The following STRIT1 variants were observed in gnomAD, a reference collection of about 807,000 sequenced individuals.
STRIT1 encodes small transmembrane regulator of ion transport 1.
intron 1 of STRIT1, 90 bp downstream of exon 1, chr3:155,293,530 G>T: frequency 5.0e-6 from 2 of 396,782 alleles, no homozygotes; most frequent in South Asian, 2.6e-4. Context: ...TTTTTAGAGT[G>T]ACTGGGAAAC....
intron 1 of STRIT1, 133 bp from the exon 2 acceptor site, chr3:155,291,171 A>AT: frequency 2.6e-6 from 1 of 390,886 alleles, no homozygotes; most frequent in Admixed American, 4.4e-5. Flanking sequence ...ATACATAATT[A>AT]TTTTTTCTTT....
chr3:155,292,973 T>C (rs576793863), intron 1 of STRIT1, among the ~76,000 whole-genome samples: 1 of 152,118 alleles, frequency 6.6e-6, no homozygotes, highest in Non-Finnish European at 1.5e-5. Flanking sequence ...ATCTATAAAA[T>C]GGGGATGATG....
At position 155,290,482 on chromosome 3, in the gene STRIT1, C is replaced by T. The variant is rs913604767; in HGVS notation, c.*369G>A. ...CTCCAATTTCTGGGCTCAAAGGATC[C>T]TCACAAAGTGCTGGGATTACAGGCA... On this transcript the variant is annotated 3_prime_UTR_variant, in exon 3 of 3. Transcript: ENST00000489090. The T allele has an allele frequency of 7.4e-6, 1 of 135,848 alleles. No homozygotes were observed. The highest frequency in any genetic ancestry group is 8.3e-5 in the Admixed American group (1 of 12,058). 8.4% of individuals were successfully genotyped at this position (135,848 alleles called of 1,614,324 possible). A position where few individuals can be genotyped will look rare whatever the true frequency, so the allele number is the denominator to read the frequency against.
At chr3:155,290,871 T>A in intron 2 of STRIT1, 25 bp from the exon 3 acceptor site, 1 of 397,120 alleles carries the variant, frequency 2.5e-6, no homozygotes, top group South Asian at 1.3e-4. Flanking sequence ...ATTCCATTAG[T>A]AAAATAGAAA....
At position 155,290,808 on chromosome 3, in the gene STRIT1, T is replaced by C. The variant is rs532561332; in HGVS notation, c.*43A>G. 3.1e-5 allele frequency: 12 copies of C among 392,328 alleles called. No homozygotes were observed. The highest frequency in any genetic ancestry group is 1.9e-4 in the African/African-American group (9 of 48,608). 24.3% of individuals were successfully genotyped at this position (392,328 alleles called of 1,614,324 possible). A position where few individuals can be genotyped will look rare whatever the true frequency, so the allele number is the denominator to read the frequency against. On this transcript the variant is annotated 3_prime_UTR_variant, in exon 3 of 3. Transcript: ENST00000489090. ...ATAATCAGTCATGTTCATAGTTTTC[T>C]TAATTCTTCTAAATGATGTCAATCT... is the stretch of plus-strand genomic sequence containing the variant.
chr3:155,291,747 GCCT>G (rs1715645418), intron 1 of STRIT1, among the ~76,000 whole-genome samples: 2 of 152,046 alleles, frequency 1.3e-5, no homozygotes, highest in Non-Finnish European at 2.9e-5. Context: ...TTCCTTCTGT[GCCT>G]CCTATTTGTA....
chr3:155,292,426 T>C (rs929703436), intron 1 of STRIT1, among the ~76,000 whole-genome samples: 1 of 152,186 alleles, frequency 6.6e-6, no homozygotes, highest in Non-Finnish European at 1.5e-5. Flanking sequence ...AGTAATTTTT[T>C]TGAACTGTCT....
rs1347531730 is a variant in STRIT1, at chr3:155,290,823, G to T, written c.*28C>A. 3 of 393,180 alleles carry T rather than the reference G, an allele frequency of 7.6e-6. No individual in the cohort carries two copies. The highest frequency in any genetic ancestry group is 4.1e-5 in the African/African-American group (2 of 48,480). The allele number at this position is 393,180 out of a possible 1,614,324, so 24.4% of individuals were successfully genotyped here. A position where few individuals can be genotyped will look rare whatever the true frequency, so the allele number is the denominator to read the frequency against. On this transcript the variant is annotated 3_prime_UTR_variant, in exon 3 of 3. Transcript: ENST00000489090. ...CATAGTTTTCTTAATTCTTCTAAAT[G>T]ATGTCAATCTGATATCTTCTTGCCT...
intron 1 of STRIT1, among the ~76,000 whole-genome samples, chr3:155,292,204 C>T (rs1715654191): frequency 6.6e-6 from 1 of 152,148 alleles, no homozygotes; most frequent in Non-Finnish European, 1.5e-5. Context: ...GCTAGAGTCT[C>T]TCTTAACTGA....
chr3:155,292,074 G>C (rs925031733), intron 1 of STRIT1, among the ~76,000 whole-genome samples: 10 of 152,092 alleles, frequency 6.6e-5, no homozygotes, highest in Non-Finnish European at 1.2e-4. Context: ...TTTTAAAAAT[G>C]CTATTAAAAT....
Position 155,290,603 on chromosome 3 carries a change from T to A in STRIT1, c.*248A>T, listed in dbSNP as rs895645773. 1.9e-5 allele frequency: 3 copies of A among 161,726 alleles called. No individual in the cohort carries two copies. The highest frequency in any genetic ancestry group is 7.2e-5 in the African/African-American group (3 of 41,904). The allele number at this position is 161,726 out of a possible 1,614,324, so 10.0% of individuals were successfully genotyped here. A position where few individuals can be genotyped will look rare whatever the true frequency, so the allele number is the denominator to read the frequency against. On this transcript the variant is annotated 3_prime_UTR_variant, in exon 3 of 3. Transcript: ENST00000489090. Reference sequence around the variant, plus strand: ...TGTAATGTGATTAAATTTATCAAACTTTTTTTAATGACATGCATTTTTCAT... The same window carrying A: ...TGTAATGTGATTAAATTTATCAAACATTTTTTAATGACATGCATTTTTCAT...
chr3:155,293,000 A>T (rs928407077), intron 1 of STRIT1, among the ~76,000 whole-genome samples: 15 of 152,184 alleles, frequency 9.9e-5, no homozygotes, highest in Non-Finnish European at 1.9e-4. Context: ...TGCATATTTC[A>T]CAAGGTCATT....
rs112296544 is a variant in STRIT1 at position 155,291,639 on chromosome 3, A to G, written c.14-601T>C. On this transcript the variant is annotated intron_variant, in intron 1 of 2. Coordinates refer to ENST00000489090, the MANE Select transcript of STRIT1 (RefSeq NM_001352129.2). ...TTCTTGACTACAGAAAAGAATTTCT[A>G]TTGTTTAAAAATTGTTCAGTATAAC... Among the ~76,000 whole-genome samples, 626 of 152,272 alleles carry G rather than the reference A, an allele frequency of 4.1e-3. 4 individuals carry two copies. The highest frequency in any genetic ancestry group is 0.014 in the African/African-American group (600 of 41,564).
In STRIT1 at chr3:155,292,367, C is replaced by T. The variant is rs188364922; in HGVS notation, c.13+1253G>A. On this transcript the variant is annotated intron_variant, in intron 1 of 2. Coordinates refer to ENST00000489090, the MANE Select transcript of STRIT1 (RefSeq NM_001352129.2). ...GAGTTGCCCTTTACTCTCATTTGGA[C>T]GAAAGCCTTTTTATGAATTAAGGTA... is the stretch of plus-strand genomic sequence containing the variant. Among the ~76,000 whole-genome samples the T allele has an allele frequency of 2.7e-4, 41 of 152,124 alleles. No individual in the cohort carries two copies. The East Asian group carries it at 5.2e-3, about 19-fold the overall frequency.
chr3:155,291,098 G>A (rs780205090), intron 1 of STRIT1, 60 bp from the exon 2 acceptor site: 2 of 397,556 alleles, frequency 5.0e-6, no homozygotes, highest in Non-Finnish European at 4.4e-6. Context: ...AATTTTCTGT[G>A]TCAAGAGAAT....
chr3:155,291,340 T>C (rs1435888085), intron 1 of STRIT1: 3 of 236,522 alleles, frequency 1.3e-5, no homozygotes, highest in Non-Finnish European at 2.4e-5. Flanking sequence ...TGGAATAGTT[T>C]TGAACATCAA....
chr3:155,291,284 T>C (rs979925041), intron 1 of STRIT1: 1 of 310,574 alleles, frequency 3.2e-6, no homozygotes, highest in Non-Finnish European at 5.8e-6. Context: ...GCTTGAACTT[T>C]CCTACTGGTA....
chr3:155,293,662 C>A lies in STRIT1; in HGVS notation c.-30G>T, dbSNP rs1715693065. On this transcript the variant is annotated 5_prime_UTR_variant, in exon 1 of 3. Transcript: ENST00000489090. ...CCTGTTGGTGGGTGGCTAGGTCAGGCCACGCTTACCTCTTTCTTTTGTTAT... is the reference window on the plus strand; with the variant it reads ...CCTGTTGGTGGGTGGCTAGGTCAGGACACGCTTACCTCTTTCTTTTGTTAT... 5.0e-6 allele frequency: 2 copies of A among 397,604 alleles called. No homozygotes were observed. The highest frequency in any genetic ancestry group is 8.9e-6 in the Non-Finnish European group (2 of 225,602). The allele number at this position is 397,604 out of a possible 1,614,324, so 24.6% of individuals were successfully genotyped here. A position where few individuals can be genotyped will look rare whatever the true frequency, so the allele number is the denominator to read the frequency against.
At chr3:155,292,328 A>G (rs1351046002) in intron 1 of STRIT1, among the ~76,000 whole-genome samples, 2 of 152,160 alleles carry the variant, frequency 1.3e-5, no homozygotes, top group Non-Finnish European at 2.9e-5. Context: ...GCTTAAGGAT[A>G]AAGCAAACAA....
Sources: gnomAD v4.1 joint callset for allele counts (sites outside exome capture counted in the v4.1 genomes callset) on GRCh38, gnomAD v4.1.1 for gene constraint, MANE v1.5 for transcripts, NCBI Gene and HGNC (gene_info 2026-07-23, HGNC 2026-07-21) for gene names.